Variants in SAMD4A observed in about 807,000 individuals in gnomAD.
The protein encoded by SAMD4A is protein Smaug homolog 1.
SAMD4A carries 33 observed loss-of-function variants against 81.3 expected under a neutral mutation model. The ratio of observed to expected loss-of-function variants is 0.41; its 90% CI spans 0.31 to 0.54. The LOEUF is 0.54. SAMD4A is among the 20% of genes least tolerant of loss of function. The pLI, the probability that SAMD4A is intolerant of heterozygous loss-of-function variation, is 0.37. For synonymous variants in SAMD4A, 389 were observed against 382.1 expected (o/e 1.02, Z -0.21); for missense variants, 854 against 951.1 (o/e 0.90, Z 1.34).
At chr14:54,690,495 T>G (rs1462591378) in intron 2 of SAMD4A, among the ~76,000 whole-genome samples, 1 of 152,080 alleles carries the variant, frequency 6.6e-6, no homozygotes, top group Non-Finnish European at 1.5e-5. Context: ...CTTTAGAAGA[T>G]GGATTCTACT....
intron 2 of SAMD4A, among the ~76,000 whole-genome samples, chr14:54,679,997 CAAG>C (rs1191742793): frequency 6.6e-6 from 1 of 152,206 alleles, no homozygotes; most frequent in Admixed American, 6.5e-5. Flanking sequence ...GTGTGTGCAT[CAAG>C]AAAAGATGGA....
intron 6 of SAMD4A, among the ~76,000 whole-genome samples, chr14:54,752,107 G>A (rs961043304): frequency 2.6e-5 from 4 of 152,182 alleles, no homozygotes; most frequent in East Asian, 3.8e-4. Flanking sequence ...CTGTGACTCT[G>A]ATAGGAACCA....
Position 54,702,152 on chromosome 14 carries a change from A to T in SAMD4A, c.287A>T (p.Asp96Val). The T allele has an allele frequency of 1.9e-6, 3 of 1,614,170 alleles. No homozygotes were observed. The highest frequency in any genetic ancestry group is 2.5e-6 in the Non-Finnish European group (3 of 1,180,012). ...HLPLLKPGNL[D>V]AKVEYMKLLP... ...CCTTTGCTGAAGCCAGGAAACCTCG[A>T]CGCGAAAGTAGAATATATGAAACTG... Residue 96 changes from aspartate to valine, a missense_variant, in exon 3 of 13, where the codon GAC becomes GTC. Around this residue, in one of 3 missense-constraint regions of SAMD4A, gnomAD observed 387 missense variants for 405.8 expected, o/e 0.95. Coordinates refer to ENST00000554335, the MANE Select transcript of SAMD4A (RefSeq NM_015589.6).
At chr14:54,652,495 T>C (rs2140428296) in intron 2 of SAMD4A, among the ~76,000 whole-genome samples, 1 of 152,228 alleles carries the variant, frequency 6.6e-6, no homozygotes, top group East Asian at 1.9e-4. Context: ...AAAATACATT[T>C]AATTATATTC....
At chr14:54,583,012 C>T (rs993099678) in intron 2 of SAMD4A, among the ~76,000 whole-genome samples, 1 of 152,098 alleles carries the variant, frequency 6.6e-6, no homozygotes, top group Non-Finnish European at 1.5e-5. Context: ...GGCGCAATCT[C>T]GGCCCACTGC....
intron 2 of SAMD4A, among the ~76,000 whole-genome samples, chr14:54,647,467 A>G (rs1173259439): frequency 6.6e-6 from 1 of 152,218 alleles, no homozygotes; most frequent in Non-Finnish European, 1.5e-5. Context: ...ATGAAAACAC[A>G]CTTTTTAAAG....
chr14:54,602,721 C>T (rs962717331), intron 2 of SAMD4A, among the ~76,000 whole-genome samples: 1 of 151,766 alleles, frequency 6.6e-6, no homozygotes, highest in African/African-American at 2.4e-5. Flanking sequence ...GGGTGCAGCA[C>T]ACCAACACGG....
intron 2 of SAMD4A, among the ~76,000 whole-genome samples, chr14:54,638,151 A>G (rs2035080951): frequency 6.6e-6 from 1 of 152,210 alleles, no homozygotes; most frequent in Non-Finnish European, 1.5e-5. Flanking sequence ...CTCCAGGGGC[A>G]AAAGAAAAGT....
intron 9 of SAMD4A, among the ~76,000 whole-genome samples, chr14:54,773,234 C>T (rs567305760): frequency 6.6e-6 from 1 of 152,294 alleles, no homozygotes; most frequent in South Asian, 2.1e-4. Context: ...ACTGCTGGCT[C>T]AGATGCCCCT....
intron 2 of SAMD4A, among the ~76,000 whole-genome samples, chr14:54,630,908 ATGTGTGTGTGTG>A (rs5808786): frequency 0.085 from 12,207 of 144,160 alleles, 606 homozygotes; most frequent in Non-Finnish European, 0.1. Flanking sequence ...TGTATTTTAT[ATGTGTGTGTGTG>A]TGTGTGTGTG....
intron 2 of SAMD4A, among the ~76,000 whole-genome samples, chr14:54,603,046 G>A (rs36017273): frequency 1.2e-4 from 18 of 152,298 alleles, no homozygotes; most frequent in African/African-American, 4.3e-4. Context: ...GTAGGTTTCT[G>A]GTTACTCATA....
intron 2 of SAMD4A, among the ~76,000 whole-genome samples, chr14:54,577,561 A>G (rs929623253): frequency 6.6e-6 from 1 of 152,258 alleles, no homozygotes; most frequent in Non-Finnish European, 1.5e-5. Context: ...CTTCAATAGC[A>G]TGCATAAAAA....
chr14:54,651,719 A>G (rs1296408299), intron 2 of SAMD4A, among the ~76,000 whole-genome samples: 2 of 152,244 alleles, frequency 1.3e-5, no homozygotes, highest in Non-Finnish European at 1.5e-5. Context: ...TTCCTTTAAT[A>G]AAGGAATGAT....
At chr14:54,709,439 A>T (rs1218279460) in intron 3 of SAMD4A, among the ~76,000 whole-genome samples, 1 of 151,962 alleles carries the variant, frequency 6.6e-6, no homozygotes. Context: ...TCGAGAGGCA[A>T]GAGTATCTTT....
intron 4 of SAMD4A, among the ~76,000 whole-genome samples, chr14:54,747,778 T>G (rs1432939017): frequency 6.6e-6 from 1 of 152,204 alleles, no homozygotes; most frequent in Non-Finnish European, 1.5e-5. Context: ...CACCACACAC[T>G]TGCTCTGTGA....
intron 2 of SAMD4A, among the ~76,000 whole-genome samples, chr14:54,692,790 AGTGAG>A (rs1176334992): frequency 2.0e-5 from 3 of 151,254 alleles, no homozygotes; most frequent in Non-Finnish European, 4.4e-5. Flanking sequence ...GTGTTTGTCG[AGTGAG>A]GTAACATTTT....
chr14:54,676,510 G>A (rs2140540614), intron 2 of SAMD4A, among the ~76,000 whole-genome samples: 1 of 152,062 alleles, frequency 6.6e-6, no homozygotes, highest in East Asian at 1.9e-4. Context: ...CTGAGTAGCT[G>A]GGGCTACAGG....
chr14:54,688,344 A>G lies in SAMD4A; in HGVS notation c.197-13718A>G, dbSNP rs180829679. On this transcript the variant is annotated intron_variant, in intron 2 of 12. Transcript: ENST00000554335. ...CGCCCAGGCTTCTCTGGGCTTCTGC[A>G]GACTCATCTCAACTCTCCTCCTTGG... is the stretch of plus-strand genomic sequence containing the variant. 1.2e-3 allele frequency: 1,224 copies of G among 985,496 alleles called. 23 individuals are homozygous for G. The South Asian group carries it at 0.028, about 23-fold the overall frequency. The allele number at this position is 985,496 out of a possible 1,614,324, so 61.0% of individuals were successfully genotyped here. A position where few individuals can be genotyped will look rare whatever the true frequency, so the allele number is the denominator to read the frequency against.
chr14:54,634,295 G>A (rs2034978093), intron 2 of SAMD4A, among the ~76,000 whole-genome samples: 1 of 115,322 alleles, frequency 8.7e-6, no homozygotes. Context: ...CGGGGGGGTG[G>A]GGGGAGGGGG....
Sources: gnomAD v4.1 joint callset for allele counts (sites outside exome capture counted in the v4.1 genomes callset) on GRCh38, gnomAD v4.1.1 for gene constraint, gnomAD v4.1.1 regional missense constraint, MANE v1.5 for transcripts, NCBI Gene and HGNC (gene_info 2026-07-23, HGNC 2026-07-21) for gene names.